MAGI2: variants seen among roughly 807,000 people sequenced by gnomAD.
The protein encoded by MAGI2 is membrane associated guanylate kinase, WW and PDZ domain containing 2.
In MAGI2, 35 loss-of-function variants were observed where a neutral mutation model predicts 133.3. That is an observed-to-expected ratio of 0.26 (90% CI 0.20 to 0.35). The LOEUF is 0.35. Ranked by LOEUF, MAGI2 falls within the 10% of genes least tolerant of loss-of-function variation. MAGI2 has a pLI of 1.00. For missense variants in MAGI2, 1,636 were observed against 1,863.4 expected (o/e 0.88, Z 2.25); for synonymous variants, 729 against 710.6 (o/e 1.03, Z -0.41).
At chr7:78,991,119 C>T (rs1452254747) in intron 2 of MAGI2, among the ~76,000 whole-genome samples, 2 of 151,826 alleles carry the variant, frequency 1.3e-5, no homozygotes, top group Non-Finnish European at 2.9e-5. Flanking sequence ...TGTGGTACTT[C>T]CTTTTTGCTT....
chr7:78,069,428 G>T (rs1184632997), intron 21 of MAGI2, among the ~76,000 whole-genome samples: 1 of 151,934 alleles, frequency 6.6e-6, no homozygotes, highest in Non-Finnish European at 1.5e-5. Flanking sequence ...AGGCATCTGT[G>T]TATTTAAAAG....
chr7:79,365,445 T>G (rs2129127124), intron 1 of MAGI2, among the ~76,000 whole-genome samples: 1 of 152,332 alleles, frequency 6.6e-6, no homozygotes, highest in South Asian at 2.1e-4. Context: ...GCACCTTTAT[T>G]TGTAATATCC....
At chr7:79,262,668 G>A (rs1834169661) in intron 1 of MAGI2, among the ~76,000 whole-genome samples, 1 of 152,296 alleles carries the variant, frequency 6.6e-6, no homozygotes, top group East Asian at 1.9e-4. Context: ...CTAGACCCGG[G>A]TAGGATACGT....
intron 3 of MAGI2, among the ~76,000 whole-genome samples, chr7:78,587,319 C>G (rs1414127727): frequency 6.6e-6 from 1 of 152,016 alleles, no homozygotes; most frequent in Non-Finnish European, 1.5e-5. Flanking sequence ...AGAATTTTTA[C>G]CAGGGCTTTC....
chr7:78,435,170 A>G (rs1800160800), intron 6 of MAGI2, among the ~76,000 whole-genome samples: 3 of 152,156 alleles, frequency 2.0e-5, no homozygotes, highest in Non-Finnish European at 4.4e-5. Flanking sequence ...CCTAGGGACA[A>G]TTGGGAGAAT....
intron 2 of MAGI2, among the ~76,000 whole-genome samples, chr7:78,911,313 A>G (rs563488770): frequency 1.3e-5 from 2 of 152,292 alleles, no homozygotes; most frequent in African/African-American, 2.4e-5. Flanking sequence ...GAATATTTGT[A>G]TTCTCCCCAA....
intron 2 of MAGI2, among the ~76,000 whole-genome samples, chr7:78,659,962 T>C (rs777207488): frequency 6.6e-5 from 10 of 152,218 alleles, no homozygotes; most frequent in Non-Finnish European, 1.3e-4. Context: ...GATGAGTTCG[T>C]GTCCTTTTAG....
chr7:78,228,144 T>G (rs1789597401), intron 10 of MAGI2, among the ~76,000 whole-genome samples: 1 of 152,212 alleles, frequency 6.6e-6, no homozygotes, highest in Non-Finnish European at 1.5e-5. Context: ...CAAAAGAGTA[T>G]TCTTCTTTTA....
intron 1 of MAGI2, among the ~76,000 whole-genome samples, chr7:79,104,048 A>G (rs138031571): frequency 6.6e-6 from 1 of 152,212 alleles, no homozygotes; most frequent in East Asian, 1.9e-4. Flanking sequence ...TCACTTTGTT[A>G]TAGTTCATCA....
chr7:78,597,408 G>T (rs932709257), intron 3 of MAGI2, among the ~76,000 whole-genome samples: 6 of 150,880 alleles, frequency 4.0e-5, no homozygotes, highest in African/African-American at 1.5e-4. Flanking sequence ...TTTTAGATTT[G>T]GATCCCAATG....
At chr7:79,206,134 T>C (rs975801563) in intron 1 of MAGI2, among the ~76,000 whole-genome samples, 5 of 148,384 alleles carry the variant, frequency 3.4e-5, no homozygotes, top group African/African-American at 1.2e-4. Flanking sequence ...ATAAGAAAGA[T>C]CTCAAATAAA....
In MAGI2 at chr7:78,316,917, A is replaced by G. The variant is rs561286259; in HGVS notation, c.1408+26861T>C. Among the ~76,000 whole-genome samples, 6 of 152,268 alleles carry G rather than the reference A, an allele frequency of 3.9e-5. No individual in the cohort carries two copies. In the East Asian group the frequency reaches 1.2e-3, roughly 29 times the overall value. ...TTCTCTTTACTTACAAATTAGGTAA[A>G]TTAATATTTTCCCTACCCTTGCTTC... On this transcript the variant is annotated intron_variant, in intron 9 of 21. Transcript: ENST00000354212.
At chr7:78,905,348 G>A (rs952948670) in intron 2 of MAGI2, among the ~76,000 whole-genome samples, 6 of 152,168 alleles carry the variant, frequency 3.9e-5, no homozygotes, top group African/African-American at 1.4e-4. Context: ...CCCAAGGTTA[G>A]GAGCAACTTA....
At chr7:79,415,522 A>C (rs1336878113) in intron 1 of MAGI2, 1 of 152,154 alleles carries the variant, frequency 6.6e-6, no homozygotes, top group Non-Finnish European at 1.5e-5. Context: ...ATGATAAGAA[A>C]GTCCCAACAG....
intron 1 of MAGI2, among the ~76,000 whole-genome samples, chr7:79,294,831 G>T (rs1836797864): frequency 7.3e-6 from 1 of 137,510 alleles, no homozygotes. Flanking sequence ...CCGGGTTCAC[G>T]CCATTCTCCT....
At position 78,951,357 on chromosome 7, in the gene MAGI2, A is replaced by G. The variant is rs560869304; in HGVS notation, c.418+55733T>C. On this transcript the variant is annotated intron_variant, in intron 2 of 21. Transcript: ENST00000354212. ...CCTGAGACTGGGTAATTTATAAAGA[A>G]AAGAGTTTTAATTGACTCACGTTCT... 3.1e-4 allele frequency among the ~76,000 whole-genome samples: 47 copies of G among 152,272 alleles called. No individual in the cohort carries two copies. The South Asian group carries it at 6.4e-3, about 21-fold the overall frequency.
intron 1 of MAGI2, among the ~76,000 whole-genome samples, chr7:79,422,143 A>G (rs1847007226): frequency 6.6e-6 from 1 of 152,094 alleles, no homozygotes; most frequent in African/African-American, 2.4e-5. Flanking sequence ...CAACCATAGT[A>G]TTAGTCGCCT....
At chr7:79,345,237 C>G (rs186567378) in intron 1 of MAGI2, among the ~76,000 whole-genome samples, 1 of 151,990 alleles carries the variant, frequency 6.6e-6, no homozygotes, top group African/African-American at 2.4e-5. Flanking sequence ...AATGTGGGCA[C>G]AGACACATAT....
chr7:79,411,859 A>C (rs1269866160), intron 1 of MAGI2: 2 of 152,066 alleles, frequency 1.3e-5, no homozygotes, highest in Non-Finnish European at 2.9e-5. Flanking sequence ...CATGAAAGGA[A>C]AAATTGAATA....
Sources: allele counts gnomAD v4.1 joint callset (sites outside exome capture counted in the v4.1 genomes callset), GRCh38; gene constraint gnomAD v4.1.1; transcripts MANE v1.5; gene names NCBI Gene and HGNC (gene_info 2026-07-23, HGNC 2026-07-21).